FGF10: variants seen among roughly 807,000 people sequenced by gnomAD.
FGF10 encodes the protein FGF-10.
FGF10 carries 2 observed loss-of-function variants against 19.8 expected under a neutral mutation model. The ratio of observed to expected loss-of-function variants is 0.10; its 90% CI spans 0.04 to 0.32. FGF10 has a LOEUF of 0.32. FGF10 is among the 10% of genes least tolerant of loss of function. The pLI is 1.00. For missense variants in FGF10, 191 were observed against 246.3 expected (o/e 0.78, Z 1.50); for synonymous variants, 112 against 94.0 (o/e 1.19, Z -1.10).
At chr5:44,380,809 T>C (rs1741967949) in intron 1 of FGF10, among the ~76,000 whole-genome samples, 1 of 152,168 alleles carries the variant, frequency 6.6e-6, no homozygotes. Flanking sequence ...AGTGAGACCC[T>C]GTCTCTACAA....
intron 1 of FGF10, among the ~76,000 whole-genome samples, chr5:44,367,917 A>G (rs1436445654): frequency 6.6e-6 from 1 of 151,886 alleles, no homozygotes; most frequent in African/African-American, 2.4e-5. Context: ...AAAAAAACAC[A>G]GTGGCACATA....
At chr5:44,345,993 A>C (rs2111804348) in intron 1 of FGF10, among the ~76,000 whole-genome samples, 1 of 151,932 alleles carries the variant, frequency 6.6e-6, no homozygotes, top group South Asian at 2.1e-4. Flanking sequence ...ATACATCTCC[A>C]GCCTTGACCT....
intron 1 of FGF10, among the ~76,000 whole-genome samples, chr5:44,353,094 G>A (rs943410149): frequency 3.3e-5 from 5 of 151,552 alleles, no homozygotes; most frequent in Non-Finnish European, 7.4e-5. Context: ...TGATTTCATA[G>A]CGATCTTATG....
In FGF10 at chr5:44,302,956, T is replaced by G. The variant is rs1739996277; in HGVS notation, c.*2039A>C. Among the ~76,000 whole-genome samples the G allele has an allele frequency of 6.6e-6, 1 of 152,126 alleles. No homozygotes were observed. Among genetic ancestry groups the G allele is most frequent in the African/African-American group, 2.4e-5 (1 of 41,430 alleles). ...TTATGTGTCAGGTGCAATTATTATT[T>G]TAAAATAAAGGAAAAAAAGATACCT... On this transcript the variant is annotated 3_prime_UTR_variant, in exon 3 of 3. Coordinates refer to ENST00000264664, the MANE Select transcript of FGF10 (RefSeq NM_004465.2).
At chr5:44,313,375 C>G (rs765905406) in intron 1 of FGF10, among the ~76,000 whole-genome samples, 6 of 151,914 alleles carry the variant, frequency 3.9e-5, no homozygotes, top group Non-Finnish European at 8.8e-5. Context: ...GTTTGCCTAT[C>G]AAATTATTTT....
intron 1 of FGF10, among the ~76,000 whole-genome samples, chr5:44,354,771 T>C: frequency 6.6e-6 from 1 of 151,518 alleles, no homozygotes; most frequent in East Asian, 1.9e-4. Flanking sequence ...AACCCAGTGC[T>C]ACTGATTCAG....
rs1740188170 is a variant in FGF10, at chr5:44,310,550, A to G, written c.326-20T>C. The G allele has an allele frequency of 2.0e-6, 3 of 1,503,594 alleles. No homozygotes were observed. The highest frequency in any genetic ancestry group is 1.9e-6 in the Non-Finnish European group (2 of 1,080,962). 93.1% of individuals were successfully genotyped at this position (1,503,594 alleles called of 1,614,324 possible). ...GGATGCCTAAAACATACAATTTTAA[A>G]AGGCTAAATAAAGAATCCTAAATAT... is the stretch of plus-strand genomic sequence containing the variant. On this transcript the variant is annotated intron_variant, in intron 1 of 2. Coordinates refer to ENST00000264664, the MANE Select transcript of FGF10 (RefSeq NM_004465.2).
At position 44,301,065 on chromosome 5, in the gene FGF10, A is replaced by G. The variant is rs11742761; in HGVS notation, c.*3930T>C. 0.11 allele frequency among the ~76,000 whole-genome samples: 16,366 copies of G among 152,178 alleles called. 1,205 individuals carry two copies. Among genetic ancestry groups the G allele is most frequent in the Non-Finnish European group, 0.16 (11,083 of 67,984 alleles). ...TTCGTTACTTCATTTCTAAGTACTC[A>G]TAGAACTCAGAGTTCCTTTTTCTCC... On this transcript the variant is annotated 3_prime_UTR_variant, in exon 3 of 3. Coordinates refer to ENST00000264664, the MANE Select transcript of FGF10 (RefSeq NM_004465.2).
rs144920553 is a variant in FGF10 at position 44,375,716 on chromosome 5, GTGATAGTACAC to G, written c.325+12631_325+12641del. Among the ~76,000 whole-genome samples, 548 of 152,234 alleles carry G rather than the reference GTGATAGTACAC, an allele frequency of 3.6e-3. 5 individuals carry two copies. Among genetic ancestry groups the G allele is most frequent in the African/African-American group, 0.013 (530 of 41,554 alleles). On this transcript the variant is annotated intron_variant, in intron 1 of 2. Transcript: ENST00000264664. ...CACTGATTAAGACTAGGATGGTCTT[GTGATAGTACAC>G]TGAGACTGAACAGGTGTTAATAATA... is the stretch of plus-strand genomic sequence containing the variant.
chr5:44,354,373 A>C (rs907541584), intron 1 of FGF10, among the ~76,000 whole-genome samples: 1 of 151,546 alleles, frequency 6.6e-6, no homozygotes, highest in Non-Finnish European at 1.5e-5. Context: ...AAATCATTAA[A>C]ATAATATAAT....
At chr5:44,363,897 A>T (rs1741546366) in intron 1 of FGF10, among the ~76,000 whole-genome samples, 1 of 151,866 alleles carries the variant, frequency 6.6e-6, no homozygotes, top group Non-Finnish European at 1.5e-5. Context: ...CAAATAAGAT[A>T]GCCCTGGATC....
intron 1 of FGF10, among the ~76,000 whole-genome samples, chr5:44,314,254 G>A (rs781206965): frequency 2.6e-5 from 4 of 152,060 alleles, no homozygotes; most frequent in Non-Finnish European, 5.9e-5. Flanking sequence ...GTGAAGTTGG[G>A]AGATAATGAG....
chr5:44,362,256 A>G (rs960191739), intron 1 of FGF10, among the ~76,000 whole-genome samples: 5 of 151,628 alleles, frequency 3.3e-5, no homozygotes, highest in Admixed American at 6.6e-5. Flanking sequence ...AATGTCCCCA[A>G]TGTCTTGGAG....
At chr5:44,314,662 G>A (rs1740295174) in intron 1 of FGF10, among the ~76,000 whole-genome samples, 1 of 152,070 alleles carries the variant, frequency 6.6e-6, no homozygotes, top group African/African-American at 2.4e-5. Context: ...GGCTGGTAAT[G>A]TTTTGATGAG....
At chr5:44,351,778 C>T (rs891714297) in intron 1 of FGF10, among the ~76,000 whole-genome samples, 1 of 151,516 alleles carries the variant, frequency 6.6e-6, no homozygotes, top group East Asian at 1.9e-4. Context: ...GAGATGGAGT[C>T]AATAGTTTAT....
In FGF10 at chr5:44,333,288, C is replaced by T. The variant is rs972199901; in HGVS notation, c.326-22758G>A. ...TATAGCTAGATGCACTTAACTCTTG[C>T]ATAGTGAGATTTCTTCCCAGACAGT... On this transcript the variant is annotated intron_variant, in intron 1 of 2. Transcript: ENST00000264664. 7.2e-5 allele frequency among the ~76,000 whole-genome samples: 11 copies of T among 152,192 alleles called. No individual in the cohort carries two copies. The South Asian group carries it at 2.1e-3, about 29-fold the overall frequency.
intron 1 of FGF10, among the ~76,000 whole-genome samples, chr5:44,326,343 T>C (rs190799939): frequency 1.3e-5 from 2 of 152,300 alleles, no homozygotes; most frequent in Non-Finnish European, 1.5e-5. Flanking sequence ...AGAAGTATGA[T>C]GAAGAGGATG....
At chr5:44,325,136 G>T (rs1740580897) in intron 1 of FGF10, among the ~76,000 whole-genome samples, 1 of 152,160 alleles carries the variant, frequency 6.6e-6, no homozygotes, top group Admixed American at 6.6e-5. Context: ...ATGAAAAAAT[G>T]CTCATCATCA....
intron 2 of FGF10, among the ~76,000 whole-genome samples, chr5:44,308,988 G>A (rs545523987): frequency 9.9e-4 from 150 of 152,204 alleles, no homozygotes; most frequent in African/African-American, 3.5e-3. Context: ...AGAGCTGCTG[G>A]TTCTAAATGG....
Sources: allele counts gnomAD v4.1 joint callset (sites outside exome capture counted in the v4.1 genomes callset), GRCh38; gene constraint gnomAD v4.1.1; transcripts MANE v1.5; gene names NCBI Gene and HGNC (gene_info 2026-07-23, HGNC 2026-07-21).